C6: variants seen among roughly 807,000 people sequenced by gnomAD.
C6 encodes the protein complement C6.
A neutral mutation model predicts 112.9 loss-of-function variants in C6; 101 were observed. That is an observed-to-expected ratio of 0.89 (90% confidence interval 0.76 to 1.06). The LOEUF (loss-of-function observed/expected upper bound fraction) is 1.06, where lower values mean the gene tolerates loss of function less well. C6 is among the 50% of genes least tolerant of loss of function. C6 has a pLI of 0.00. For missense variants in C6, 1,202 were observed against 1,104.6 expected (o/e 1.09, Z -1.25); for synonymous variants, 431 against 384.1 (o/e 1.12, Z -1.43).
At chr5:41,150,840 T>C (rs1346625930) in intron 15 of C6, among the ~76,000 whole-genome samples, 1 of 149,324 alleles carries the variant, frequency 6.7e-6, no homozygotes, top group East Asian at 2.0e-4. Context: ...TGAGCCGAGA[T>C]TGTGCCACTG....
chr5:41,231,309 T>C (rs1370539611), intron 1 of C6, among the ~76,000 whole-genome samples: 3 of 152,138 alleles, frequency 2.0e-5, no homozygotes, highest in Non-Finnish European at 1.5e-5. Context: ...GAGATATTTA[T>C]GATTTTTTAT....
chr5:41,200,593 ACCTAGAACAGTTCC>A (rs1222636241), intron 3 of C6, among the ~76,000 whole-genome samples: 1 of 152,190 alleles, frequency 6.6e-6, no homozygotes, highest in Non-Finnish European at 1.5e-5. Context: ...CATGAAAGGG[ACCTAGAACAGTTCC>A]CCTCAGAAAG....
At chr5:41,170,426 ATCTG>A (rs1006005281) in intron 9 of C6, among the ~76,000 whole-genome samples, 53 of 151,820 alleles carry the variant, frequency 3.5e-4, no homozygotes, top group African/African-American at 1.1e-3. Context: ...CTTGTATTTA[ATCTG>A]TCTATCTCTG....
chr5:41,253,448 C>G (rs1426802415), intron 1 of C6, among the ~76,000 whole-genome samples: 3 of 152,194 alleles, frequency 2.0e-5, no homozygotes, highest in Non-Finnish European at 4.4e-5. Flanking sequence ...GGCTGTACAT[C>G]CTTACAGTCC....
chr5:41,179,206 T>A (rs559212932), intron 7 of C6, among the ~76,000 whole-genome samples: 28 of 152,332 alleles, frequency 1.8e-4, no homozygotes, highest in Middle Eastern at 3.4e-3. Flanking sequence ...GTTTAATATG[T>A]TCCAACCTGA....
At chr5:41,226,263 A>G (rs1213665550) in intron 1 of C6, among the ~76,000 whole-genome samples, 1 of 152,154 alleles carries the variant, frequency 6.6e-6, no homozygotes, top group Non-Finnish European at 1.5e-5. Flanking sequence ...CAAGACAAAA[A>G]CAAACAACCC....
At chr5:41,251,361 A>G (rs111520528) in intron 1 of C6, among the ~76,000 whole-genome samples, 1 of 152,088 alleles carries the variant, frequency 6.6e-6, no homozygotes, top group Non-Finnish European at 1.5e-5. Context: ...ATATATATAT[A>G]TTTTCTACCA....
At chr5:41,157,022 C>T (rs571651498) in intron 13 of C6, among the ~76,000 whole-genome samples, 8 of 152,244 alleles carry the variant, frequency 5.3e-5, no homozygotes, top group African/African-American at 1.9e-4. Context: ...AACATCATTG[C>T]TCTAGCCTGG....
intron 5 of C6, among the ~76,000 whole-genome samples, chr5:41,186,559 T>C (rs1749783882): frequency 1.3e-5 from 2 of 152,184 alleles, no homozygotes; most frequent in Admixed American, 1.3e-4. Flanking sequence ...TAATAAATGC[T>C]ATCCCAGGTC....
intron 1 of C6, among the ~76,000 whole-genome samples, chr5:41,257,846 C>A (rs564019385): frequency 6.6e-6 from 1 of 152,140 alleles, no homozygotes; most frequent in South Asian, 2.1e-4. Flanking sequence ...GGCTAATTAT[C>A]AAATTTTCTT....
intron 13 of C6, among the ~76,000 whole-genome samples, chr5:41,156,994 A>AATATACTTG (rs1444543732): frequency 1.3e-5 from 2 of 152,192 alleles, no homozygotes; most frequent in Non-Finnish European, 2.9e-5. Flanking sequence ...TCATTAAATA[A>AATATACTTG]ATATACTTGT....
intron 7 of C6, 118 bp from the exon 8 acceptor site, chr5:41,176,833 C>T: frequency 9.9e-7 from 1 of 1,015,130 alleles, no homozygotes; most frequent in East Asian, 2.6e-5. Context: ...TACAATAATT[C>T]TCACTCTCTA....
At chr5:41,144,160 G>C (rs945438949) in intron 17 of C6, among the ~76,000 whole-genome samples, 1 of 152,148 alleles carries the variant, frequency 6.6e-6, no homozygotes, top group Non-Finnish European at 1.5e-5. Flanking sequence ...TCTTTTGCCA[G>C]ACTGATGTGC....
chr5:41,208,695 C>T (rs1459423057), intron 1 of C6, among the ~76,000 whole-genome samples: 1 of 152,130 alleles, frequency 6.6e-6, no homozygotes, highest in Non-Finnish European at 1.5e-5. Flanking sequence ...CCTGAATAAA[C>T]CAATAACAGG....
At chr5:41,151,252 T>C (rs999585409) in intron 15 of C6, among the ~76,000 whole-genome samples, 8 of 152,278 alleles carry the variant, frequency 5.3e-5, no homozygotes, top group African/African-American at 1.9e-4. Flanking sequence ...GATGATAATT[T>C]GGACCAAGGT....
intron 17 of C6, among the ~76,000 whole-genome samples, chr5:41,145,096 A>G (rs1284409165): frequency 6.6e-6 from 1 of 152,210 alleles, no homozygotes; most frequent in Non-Finnish European, 1.5e-5. Flanking sequence ...TTGGGTATAT[A>G]CCCAGTAATG....
In C6 at chr5:41,195,919, T is replaced by C; in HGVS notation, c.460A>G (p.Arg154Gly). 2 of 1,613,948 alleles carry C rather than the reference T, an allele frequency of 1.2e-6. No homozygotes were observed. Among genetic ancestry groups the C allele is most frequent in the Non-Finnish European group, 1.7e-6 (2 of 1,179,924 alleles). Residue 154 changes from arginine (R) to glycine (G), a missense_variant, in exon 5 of 18, where the codon AGA becomes GGA. Transcript: ENST00000337836. ...FRCDSGRCIA[R>G]KLECNGENDC... ...TTTTCTCCATTGCATTCTAACTTTC[T>C]GGCAATGCAGCGGCCTAGTCAAGAA... is the stretch of plus-strand genomic sequence containing the variant.
In C6 at chr5:41,201,640, C is replaced by T. The variant is rs991988649; in HGVS notation, c.218G>A (p.Cys73Tyr). 2 of 1,613,644 alleles carry T rather than the reference C, an allele frequency of 1.2e-6. No homozygotes were observed. The highest frequency in any genetic ancestry group is 1.7e-6 in the Non-Finnish European group (2 of 1,179,842). Residue 73 changes from cysteine (C) to tyrosine (Y), a missense_variant, in exon 3 of 18, where the codon TGT becomes TAT. Cys to Tyr is a radical substitution (Grantham distance 194). Transcript: ENST00000337836. The stretch of plus-strand genomic sequence containing the variant: ...GTTGATGGGGCATCTTTGCCAGTTA[C>T]ATTCTCTAGTCTCCTGCTTGCTGCA... ...QICSKQETRE[C>Y]NWQRCPINCL...
At chr5:41,156,137 C>G (rs1580058091) in intron 13 of C6, among the ~76,000 whole-genome samples, 2 of 152,224 alleles carry the variant, frequency 1.3e-5, no homozygotes, top group East Asian at 3.9e-4. Context: ...CATTTCCTCC[C>G]ATAAAACCTA....
Sources: allele counts gnomAD v4.1 joint callset (sites outside exome capture counted in the v4.1 genomes callset), GRCh38; gene constraint gnomAD v4.1.1; transcripts MANE v1.5; gene names NCBI Gene and HGNC (gene_info 2026-07-23, HGNC 2026-07-21).